ADCY9: variants seen among roughly 807,000 people sequenced by gnomAD.
ADCY9 encodes the protein adenylate cyclase 9, also known as adenylate cyclase type 9.
Under a neutral mutation model 101.5 loss-of-function variants are expected in ADCY9, and 50 were observed. That is an observed-to-expected ratio of 0.49 (90% CI 0.39 to 0.62). The LOEUF is 0.62. Among genes scored for constraint, ADCY9 ranks in the 20% least tolerant of loss-of-function variants. The probability of loss-of-function intolerance (pLI) is 0.00; values close to 1 mark genes in which losing one functional copy is unlikely to be tolerated. For synonymous variants in ADCY9, 905 were observed against 769.3 expected (o/e 1.18, Z -2.92); for missense variants, 1,662 against 1,800.4 (o/e 0.92, Z 1.39).
At chr16:3,991,909 A>G (rs1275765600) in intron 5 of ADCY9, among the ~76,000 whole-genome samples, 3 of 152,048 alleles carry the variant, frequency 2.0e-5, no homozygotes, top group African/African-American at 7.2e-5. Context: ...CATCTCTACT[A>G]AAAATACAAA....
At chr16:4,020,619 C>T (rs1016205504) in intron 2 of ADCY9, among the ~76,000 whole-genome samples, 3 of 151,712 alleles carry the variant, frequency 2.0e-5, no homozygotes, top group South Asian at 2.1e-4. Flanking sequence ...GCCAGGAGTT[C>T]GAGACCAGCC....
chr16:3,990,681 CAG>C (rs2056237031), intron 5 of ADCY9, among the ~76,000 whole-genome samples: 1 of 152,196 alleles, frequency 6.6e-6, no homozygotes, highest in Non-Finnish European at 1.5e-5. Context: ...TCCCCTGACT[CAG>C]GGAGTGTGGA....
intron 7 of ADCY9, chr16:3,982,239 C>G (rs992063095): frequency 6.6e-6 from 1 of 152,446 alleles, no homozygotes; most frequent in Non-Finnish European, 1.5e-5. Context: ...AGCCTGCCCA[C>G]CCCAGATGGG....
At chr16:4,011,100 C>A (rs909160436) in intron 2 of ADCY9, among the ~76,000 whole-genome samples, 2 of 152,082 alleles carry the variant, frequency 1.3e-5, no homozygotes, top group Non-Finnish European at 2.9e-5. Flanking sequence ...GCACCCTCCA[C>A]ACGGAGAACT....
intron 2 of ADCY9, among the ~76,000 whole-genome samples, chr16:4,029,981 G>C (rs530174569): frequency 6.6e-6 from 1 of 152,280 alleles, no homozygotes; most frequent in Admixed American, 6.5e-5. Flanking sequence ...ATTCAACAGA[G>C]TGACAAGCGC....
chr16:4,014,708 A>C lies in ADCY9; in HGVS notation c.1694-7150T>G, dbSNP rs553874907. On this transcript the variant is annotated intron_variant, in intron 2 of 10. Transcript: ENST00000294016. ...AATGATCCGCCTGCCTCTGTCTCCC[A>C]AAGTGCTGGGATTAAAGGCGTGAGC... Among the ~76,000 whole-genome samples, 36 of 152,190 alleles carry C rather than the reference A, an allele frequency of 2.4e-4. 1 individual carries two copies. Among genetic ancestry groups the C allele is most frequent in the Admixed American group, 1.6e-3 (24 of 15,290 alleles).
Position 3,979,105 on chromosome 16 carries a change from C to T in ADCY9, c.2679+11G>A, listed in dbSNP as rs778577558. The T allele has an allele frequency of 1.9e-6, 3 of 1,614,012 alleles. No homozygotes were observed. Among genetic ancestry groups the T allele is most frequent in the Non-Finnish European group, 2.5e-6 (3 of 1,179,994 alleles). On this transcript the variant is annotated intron_variant, in intron 8 of 10. Coordinates refer to ENST00000294016, the MANE Select transcript of ADCY9 (RefSeq NM_001116.4). ...AGAGCGTGGAAATAAAACGGCTGAG[C>T]CTTTACTTACGTGTATGTTGGTCTC...
chr16:3,993,510 T>C lies in ADCY9; in HGVS notation c.1885A>G (p.Thr629Ala). Residue 629 changes from threonine (T) to alanine (A), a missense_variant and splice_region_variant, in exon 4 of 11, where the codon ACC (threonine) becomes GCC (alanine). Thr to Ala is a moderately conservative substitution (Grantham distance 58). Transcript: ENST00000294016. ...QTVKTFDNLK[T>A]CPSCGITFAP... ...AATGTGATTCCGCACGAAGGGCAGG[T>C]CTAGAAGAAAAACACAGACTGTGGG... is the stretch of plus-strand genomic sequence containing the variant. The C allele has an allele frequency of 1.2e-6, 2 of 1,613,806 alleles. No homozygotes were observed. Among genetic ancestry groups the C allele is most frequent in the Non-Finnish European group, 1.7e-6 (2 of 1,179,930 alleles).
At chr16:4,032,428 G>T (rs1283808395) in intron 2 of ADCY9, among the ~76,000 whole-genome samples, 3 of 152,106 alleles carry the variant, frequency 2.0e-5, no homozygotes, top group Admixed American at 1.3e-4. Flanking sequence ...CCTGCAACCT[G>T]CCTGGTAGAT....
chr16:4,050,788 C>T (rs890754673), intron 2 of ADCY9, among the ~76,000 whole-genome samples: 27 of 150,996 alleles, frequency 1.8e-4, no homozygotes, highest in African/African-American at 5.1e-4. Context: ...AGCCCAGTAG[C>T]GTGAACACAC....
intron 10 of ADCY9, among the ~76,000 whole-genome samples, chr16:3,967,610 C>G (rs765928060): frequency 2.0e-5 from 3 of 151,200 alleles, no homozygotes; most frequent in Non-Finnish European, 4.4e-5. Context: ...CAAGGCTGGT[C>G]TTAAACTCGT....
chr16:4,067,227 T>G (rs1256950575), intron 2 of ADCY9, among the ~76,000 whole-genome samples: 1 of 152,140 alleles, frequency 6.6e-6, no homozygotes, highest in Non-Finnish European at 1.5e-5. Flanking sequence ...ATTGAAATAA[T>G]ATTTAGAAAC....
chr16:4,006,599 C>T (rs567782616), intron 3 of ADCY9, among the ~76,000 whole-genome samples: 3 of 152,276 alleles, frequency 2.0e-5, no homozygotes, highest in Non-Finnish European at 4.4e-5. Flanking sequence ...TATCTGAGAA[C>T]ACAAAGCAGC....
intron 8 of ADCY9, among the ~76,000 whole-genome samples, chr16:3,978,607 G>A (rs772818962): frequency 2.0e-5 from 3 of 152,268 alleles, no homozygotes; most frequent in African/African-American, 7.2e-5. Context: ...TCCCCAGCCC[G>A]GCCACTGCCC....
intron 10 of ADCY9, among the ~76,000 whole-genome samples, chr16:3,970,031 T>C (rs1259369723): frequency 2.6e-5 from 4 of 152,208 alleles, no homozygotes; most frequent in Non-Finnish European, 5.9e-5. Context: ...TTTTCTTTTT[T>C]ACAACACCGT....
intron 2 of ADCY9, among the ~76,000 whole-genome samples, chr16:4,112,352 T>C (rs149527338): frequency 3.2e-4 from 49 of 152,348 alleles, no homozygotes; most frequent in African/African-American, 1.2e-3. Context: ...TCTACATCCA[T>C]AAAATCTTCA....
At chr16:4,001,089 C>T (rs1185176696) in intron 3 of ADCY9, among the ~76,000 whole-genome samples, 1 of 151,728 alleles carries the variant, frequency 6.6e-6, no homozygotes, top group African/African-American at 2.4e-5. Context: ...ATATATCCTC[C>T]GTACATACTC....
chr16:4,103,931 A>C (rs2057059955), intron 2 of ADCY9, among the ~76,000 whole-genome samples: 3 of 152,200 alleles, frequency 2.0e-5, no homozygotes, highest in African/African-American at 7.2e-5. Context: ...GAATAGTCTG[A>C]GTGATGAAAT....
rs1387880515 is a variant in ADCY9, at chr16:3,992,177, C to T, written c.2176G>A (p.Ala726Thr). 3 of 1,614,194 alleles carry T rather than the reference C, an allele frequency of 1.9e-6. No individual in the cohort carries two copies. The highest frequency in any genetic ancestry group is 2.2e-5 in the East Asian group (1 of 44,886). ...RFKNIREKTD[A>T]HFVDVIKEDS... Reference sequence around the variant, plus strand: ...TCTTTGATAACGTCCACAAAGTGGGCGTCCGTTTTCTCCCGGATGTTCTTG... The same window carrying T: ...TCTTTGATAACGTCCACAAAGTGGGTGTCCGTTTTCTCCCGGATGTTCTTG... Residue 726 changes from alanine (A) to threonine (T), a missense_variant, in exon 5 of 11, where the codon GCC becomes ACC. Coordinates refer to ENST00000294016, the MANE Select transcript of ADCY9 (RefSeq NM_001116.4). The surrounding 1 kb of genome is among the most constrained non-coding windows in gnomAD (Gnocchi z 4.2).
Sources: gnomAD v4.1 joint callset for allele counts (sites outside exome capture counted in the v4.1 genomes callset) on GRCh38, gnomAD v4.1.1 for gene constraint, Gnocchi (gnomAD v3.1) non-coding constraint, MANE v1.5 for transcripts, NCBI Gene and HGNC (gene_info 2026-07-23, HGNC 2026-07-21) for gene names.